Variants in CTNNA2 observed in about 807,000 individuals in gnomAD.
CTNNA2 encodes the protein catenin alpha 2, also known as catenin alpha-2.
Under a neutral mutation model 101.0 loss-of-function variants are expected in CTNNA2, and 42 were observed. The observed-to-expected ratio is 0.42, with a 90% CI of 0.32 to 0.54. CTNNA2 has a LOEUF of 0.54. Among genes scored for constraint, CTNNA2 ranks in the 20% least tolerant of loss-of-function variants. The probability of loss-of-function intolerance (pLI) is 0.14; values close to 1 mark genes in which losing one functional copy is unlikely to be tolerated. For missense variants in CTNNA2, 871 were observed against 1,223.1 expected (o/e 0.71, Z 4.29); for synonymous variants, 450 against 456.4 (o/e 0.99, Z 0.18).
chr2:79,959,967 A>G (rs1455310634), intron 7 of CTNNA2, among the ~76,000 whole-genome samples: 1 of 152,230 alleles, frequency 6.6e-6, no homozygotes, highest in Non-Finnish European at 1.5e-5. Context: ...AATTGGCTAC[A>G]TGATGCTAAT....
intron 7 of CTNNA2, among the ~76,000 whole-genome samples, chr2:79,990,435 C>T (rs979107710): frequency 2.0e-5 from 3 of 152,050 alleles, no homozygotes; most frequent in Admixed American, 1.3e-4. Flanking sequence ...TGAAGGGAGT[C>T]GCACTGATAC....
chr2:79,462,969 C>T (rs955362153), intron 4 of CTNNA2, among the ~76,000 whole-genome samples: 1 of 152,192 alleles, frequency 6.6e-6, no homozygotes, highest in Non-Finnish European at 1.5e-5. Context: ...GGTATCACAT[C>T]ATTTTAAAGT....
chr2:79,864,168 A>G (rs1490314690), intron 4 of CTNNA2, among the ~76,000 whole-genome samples: 2 of 152,258 alleles, frequency 1.3e-5, no homozygotes, highest in African/African-American at 4.8e-5. Context: ...TTGATAGCCT[A>G]TGCAGGAAAA....
At chr2:79,468,299 T>C (rs1292446391) in intron 4 of CTNNA2, among the ~76,000 whole-genome samples, 2 of 151,840 alleles carry the variant, frequency 1.3e-5, no homozygotes, top group Non-Finnish European at 2.9e-5. Flanking sequence ...TACAGAATGG[T>C]AAAGGGATGA....
chr2:79,464,377 C>A (rs1428946438), intron 4 of CTNNA2, among the ~76,000 whole-genome samples: 1 of 152,166 alleles, frequency 6.6e-6, no homozygotes, highest in Non-Finnish European at 1.5e-5. Flanking sequence ...TTAATCCAGT[C>A]TATCATTGTT....
At chr2:79,619,201 G>A (rs1008864005) in intron 1 of CTNNA2, among the ~76,000 whole-genome samples, 2 of 152,314 alleles carry the variant, frequency 1.3e-5, no homozygotes, top group Admixed American at 6.5e-5. Flanking sequence ...GTGAGACTCC[G>A]TCTCAAACAA....
intron 3 of CTNNA2, among the ~76,000 whole-genome samples, chr2:79,361,320 T>C (rs757466141): frequency 9.9e-5 from 15 of 152,124 alleles, no homozygotes; most frequent in Non-Finnish European, 1.8e-4. Flanking sequence ...GTAAATCTAA[T>C]TGGGTGGATA....
chr2:79,197,604 C>T (rs928818399), intron 1 of CTNNA2, among the ~76,000 whole-genome samples: 2 of 152,190 alleles, frequency 1.3e-5, no homozygotes, highest in African/African-American at 4.8e-5. Context: ...TAAATGATAA[C>T]TATAACTCTA....
intron 4 of CTNNA2, among the ~76,000 whole-genome samples, chr2:79,483,607 C>T (rs942997897): frequency 6.6e-6 from 1 of 152,194 alleles, no homozygotes; most frequent in African/African-American, 2.4e-5. Flanking sequence ...GTATTGTTCT[C>T]AGGCCTTTGC....
chr2:80,524,874 G>A lies in CTNNA2; in HGVS notation c.1291-20108G>A, dbSNP rs767203166. Among the ~76,000 whole-genome samples the A allele has an allele frequency of 3.3e-5, 5 of 152,138 alleles. No individual in the cohort carries two copies. In the South Asian group the frequency reaches 8.3e-4, roughly 25 times the overall value. ...AGCACGTTTGTATTTGACTTCATTC[G>A]CTCTTTTATGGTCTGTATTATCTCA... On this transcript the variant is annotated intron_variant, in intron 9 of 18. Transcript: ENST00000402739.
At chr2:79,682,763 A>G (rs1683668910) in intron 2 of CTNNA2, among the ~76,000 whole-genome samples, 1 of 152,176 alleles carries the variant, frequency 6.6e-6, no homozygotes, top group Non-Finnish European at 1.5e-5. Context: ...TAAAATAGAT[A>G]CATATATGTG....
intron 4 of CTNNA2, among the ~76,000 whole-genome samples, chr2:79,860,166 C>T (rs886085162): frequency 6.6e-6 from 1 of 152,218 alleles, no homozygotes; most frequent in African/African-American, 2.4e-5. Context: ...CCTAGTTAGT[C>T]TCCGAAGGCG....
intron 7 of CTNNA2, among the ~76,000 whole-genome samples, chr2:79,983,997 C>T (rs1425899003): frequency 6.6e-6 from 1 of 152,036 alleles, no homozygotes. Context: ...AAAAGCAGGT[C>T]CTCATTTATC....
chr2:79,914,166 CAAAAAAAAA>C (rs55675912), intron 7 of CTNNA2, among the ~76,000 whole-genome samples: 1 of 90,624 alleles, frequency 1.1e-5, no homozygotes, highest in Admixed American at 1.4e-4. Context: ...GACTCCGTCT[CAAAAAAAAA>C]AAAAAAAAAA....
At chr2:79,967,519 A>T (rs1035909701) in intron 7 of CTNNA2, among the ~76,000 whole-genome samples, 86 of 152,254 alleles carry the variant, frequency 5.6e-4, no homozygotes, top group Non-Finnish European at 5.9e-4. Context: ...AGCTAGGGTG[A>T]TCTTTTATAA....
At chr2:79,212,587 G>A (rs1674189944) in intron 2 of CTNNA2, among the ~76,000 whole-genome samples, 2 of 152,126 alleles carry the variant, frequency 1.3e-5, no homozygotes, top group Admixed American at 6.5e-5. Context: ...CTAAGAGCCC[G>A]AAAAACTGCT....
chr2:80,419,717 G>A, intron 9 of CTNNA2, 116 bp downstream of exon 9: 1 of 1,081,116 alleles, frequency 9.2e-7, no homozygotes, highest in South Asian at 2.0e-5. Flanking sequence ...ATAAAGTCCT[G>A]GAATCATTCT....
intron 1 of CTNNA2, among the ~76,000 whole-genome samples, chr2:79,561,293 T>A (rs1674765166): frequency 6.6e-6 from 1 of 151,992 alleles, no homozygotes; most frequent in South Asian, 2.1e-4. Context: ...TGCTATTTTA[T>A]GCATATACCA....
At chr2:79,953,307 A>T (rs1361001675) in intron 7 of CTNNA2, among the ~76,000 whole-genome samples, 1 of 152,084 alleles carries the variant, frequency 6.6e-6, no homozygotes, top group African/African-American at 2.4e-5. Context: ...CATAATTTTC[A>T]CTCCAAAAAC....
Sources: gnomAD v4.1 joint callset for allele counts (sites outside exome capture counted in the v4.1 genomes callset) on GRCh38, gnomAD v4.1.1 for gene constraint, MANE v1.5 for transcripts, NCBI Gene and HGNC (gene_info 2026-07-23, HGNC 2026-07-21) for gene names.